The following ERCC8 variants were observed in gnomAD, a reference collection of about 807,000 sequenced individuals.
ERCC8 encodes the protein ERCC excision repair 8, CSA ubiquitin ligase complex subunit, also known as DNA excision repair protein ERCC-8.
A neutral mutation model predicts 54.9 loss-of-function variants in ERCC8; 52 were observed. That is an observed-to-expected ratio of 0.95 (90% CI 0.76 to 1.19). The LOEUF is 1.19. Ranked by LOEUF, ERCC8 falls within the 50% of genes most tolerant of loss-of-function variation. The probability of loss-of-function intolerance (pLI) is 0.00; values close to 1 mark genes in which losing one functional copy is unlikely to be tolerated. For synonymous variants in ERCC8, 146 were observed against 157.2 expected, an observed-to-expected ratio of 0.93 and a Z score of 0.53; for missense variants, 514 against 466.1, an observed-to-expected ratio of 1.10 and a Z score of -0.95.
intron 2 of ERCC8, among the ~76,000 whole-genome samples, chr5:60,922,862 T>A (rs1395350200): frequency 6.6e-6 from 1 of 152,174 alleles, no homozygotes; most frequent in Non-Finnish European, 1.5e-5. Context: ...AAATTATTAG[T>A]TATGATTGGG....
rs538501629 is a variant in ERCC8 at position 60,869,086 on chromosome 5, A to G, written c.*5529T>C. Among the ~76,000 whole-genome samples the G allele has an allele frequency of 1.3e-5, 2 of 152,330 alleles. No homozygotes were observed. Among genetic ancestry groups the G allele is most frequent in the South Asian group, 2.1e-4 (1 of 4,834 alleles). ...AGCACCTGAACATGGAAAACATTAA[A>G]TTAAAAAAATGGAAATTTACCAAAG... On this transcript the variant is annotated 3_prime_UTR_variant, in exon 12 of 12. Coordinates refer to ENST00000676185, the MANE Select transcript of ERCC8 (RefSeq NM_000082.4).
intron 1 of ERCC8, among the ~76,000 whole-genome samples, chr5:60,937,338 T>C (rs940793502): frequency 6.6e-6 from 1 of 152,186 alleles, no homozygotes; most frequent in Non-Finnish European, 1.5e-5. Flanking sequence ...GGTTAGGTGG[T>C]GGGCAGGCCG....
chr5:60,898,267 A>C lies in ERCC8; in HGVS notation c.843+9T>G. 6.2e-7 allele frequency: 1 copy of C among 1,612,972 alleles called. No homozygotes were observed. Among genetic ancestry groups the C allele is most frequent in the Non-Finnish European group, 8.5e-7 (1 of 1,179,194 alleles). On this transcript the variant is annotated intron_variant, in intron 9 of 11. Transcript: ENST00000676185. Reference sequence around the variant, plus strand: ...TTTATACCCAAATATATACTTAAAAATCTCTTACAAGTGTGTTTTCTCCAT... The same window carrying C: ...TTTATACCCAAATATATACTTAAAACTCTCTTACAAGTGTGTTTTCTCCAT...
In ERCC8 at chr5:60,918,267, G is replaced by T; in HGVS notation, c.397C>A (p.Gln133Lys). The T allele has an allele frequency of 1.9e-6, 3 of 1,593,566 alleles. No individual in the cohort carries two copies. Among genetic ancestry groups the T allele is most frequent in the Non-Finnish European group, 2.6e-6 (3 of 1,162,212 alleles). Residue 133 changes from glutamine to lysine, a missense_variant and splice_region_variant, in exon 4 of 12, where the codon CAA becomes AAA. Physicochemically the swap from Gln to Lys is moderately conservative, Grantham distance 53. Coordinates refer to ENST00000676185, the MANE Select transcript of ERCC8 (RefSeq NM_000082.4). ...TLKVWDTNTL[Q>K]TADVFNFEET... ...TGCAAATGTTTTAATGTACTTACTTGTAATGTATTTGTATCCCATACTTTC... is the reference window on the plus strand; with the variant it reads ...TGCAAATGTTTTAATGTACTTACTTTTAATGTATTTGTATCCCATACTTTC...
At chr5:60,922,271 A>G in intron 2 of ERCC8, 116 bp from the exon 3 acceptor site, 1 of 635,952 alleles carries the variant, frequency 1.6e-6, no homozygotes, top group Non-Finnish European at 2.8e-6. Flanking sequence ...TTAAGGATAC[A>G]TTAATTTATA....
chr5:60,926,756 C>T (rs1309130803), intron 2 of ERCC8, among the ~76,000 whole-genome samples: 2 of 152,108 alleles, frequency 1.3e-5, no homozygotes, highest in East Asian at 1.9e-4. Context: ...ACTTTTGCTT[C>T]GTAATTAATC....
At position 60,878,486 on chromosome 5, in the gene ERCC8, C is replaced by T. The variant is rs564764372; in HGVS notation, c.1123-3803G>A. 2.0e-5 allele frequency among the ~76,000 whole-genome samples: 3 copies of T among 152,222 alleles called. No individual in the cohort carries two copies. The East Asian group carries it at 5.8e-4, about 29-fold the overall frequency. On this transcript the variant is annotated intron_variant, in intron 11 of 11. Coordinates refer to ENST00000676185, the MANE Select transcript of ERCC8 (RefSeq NM_000082.4). ...TGTACCTCTGGTAGAATTCGGCTGT[C>T]AATCCATCTGGTCCTGGACTTTTTT...
In ERCC8 at chr5:60,915,825, C is replaced by A. The variant is rs141156910; in HGVS notation, c.399+2440G>T. On this transcript the variant is annotated intron_variant, in intron 4 of 11. Transcript: ENST00000676185. ...GGATAATTCAGTATTATCTCCCTGT[C>A]TTGAGGTCAGGTGATTGGCAACCTT... Among the ~76,000 whole-genome samples, 1,184 of 152,066 alleles carry A rather than the reference C, an allele frequency of 7.8e-3. 3 individuals are homozygous for A. The highest frequency in any genetic ancestry group is 0.014 in the Non-Finnish European group (975 of 67,994).
chr5:60,942,089 A>G (rs1750275619), intron 1 of ERCC8, among the ~76,000 whole-genome samples: 1 of 152,222 alleles, frequency 6.6e-6, no homozygotes, highest in Non-Finnish European at 1.5e-5. Context: ...AGCAGCCACT[A>G]AAGAATTATA....
At chr5:60,898,460 T>C (rs1360488922) in intron 8 of ERCC8, 60 bp from the exon 9 acceptor site, 1 of 1,592,740 alleles carries the variant, frequency 6.3e-7, no homozygotes, top group Non-Finnish European at 8.6e-7. Context: ...ATTTAATGTT[T>C]GATGATATAA....
intron 1 of ERCC8, among the ~76,000 whole-genome samples, chr5:60,940,752 C>A (rs1269168390): frequency 6.6e-6 from 1 of 152,216 alleles, no homozygotes; most frequent in Admixed American, 6.5e-5. Context: ...ATTAAAACTA[C>A]AGTCCATAAG....
At chr5:60,901,605 G>A (rs892028969) in intron 7 of ERCC8, among the ~76,000 whole-genome samples, 1 of 152,028 alleles carries the variant, frequency 6.6e-6, no homozygotes, top group Non-Finnish European at 1.5e-5. Context: ...AAGCTACAAA[G>A]TTAACTGTAT....
chr5:60,878,821 T>C (rs1214158535), intron 11 of ERCC8, among the ~76,000 whole-genome samples: 1 of 152,216 alleles, frequency 6.6e-6, no homozygotes, highest in African/African-American at 2.4e-5. Flanking sequence ...AAAAACCAGC[T>C]CCTGGATTCA....
chr5:60,899,578 T>C, intron 8 of ERCC8, 49 bp downstream of exon 8: 1 of 1,380,470 alleles, frequency 7.2e-7, no homozygotes, highest in East Asian at 2.3e-5. Context: ...AAATTTTCAA[T>C]GTAAAAAAAT....
intron 1 of ERCC8, among the ~76,000 whole-genome samples, chr5:60,932,974 A>G (rs947355138): frequency 1.1e-4 from 17 of 152,124 alleles, no homozygotes; most frequent in Admixed American, 9.8e-4. Context: ...TCTCTTTTTT[A>G]TATAAAAGCA....
At chr5:60,893,715 G>A (rs1748638479) in intron 9 of ERCC8, 2 of 430,950 alleles carry the variant, frequency 4.6e-6, no homozygotes, top group Non-Finnish European at 8.3e-6. Flanking sequence ...TGCCAGCCTG[G>A]CGGCGCCCGA....
intron 2 of ERCC8, among the ~76,000 whole-genome samples, chr5:60,926,121 G>A (rs1290849394): frequency 6.6e-6 from 1 of 152,040 alleles, no homozygotes. Flanking sequence ...CACTGCACCC[G>A]GCCTGTCATC....
chr5:60,906,589 C>T (rs866405514), intron 4 of ERCC8, among the ~76,000 whole-genome samples: 7 of 151,640 alleles, frequency 4.6e-5, no homozygotes, highest in African/African-American at 1.5e-4. Context: ...ATTAGCTGGG[C>T]GTGGTGGCAG....
intron 11 of ERCC8, 50 bp from the exon 12 acceptor site, chr5:60,874,733 C>G: frequency 6.8e-7 from 1 of 1,477,458 alleles, no homozygotes; most frequent in Non-Finnish European, 9.2e-7. Flanking sequence ...TTTTCTACTT[C>G]ATAATTTTAG....
Sources: gnomAD v4.1 joint callset for allele counts (sites outside exome capture counted in the v4.1 genomes callset) on GRCh38, gnomAD v4.1.1 for gene constraint, MANE v1.5 for transcripts, NCBI Gene and HGNC (gene_info 2026-07-23, HGNC 2026-07-21) for gene names.